SCD5: variants seen among roughly 807,000 people sequenced by gnomAD.
SCD5 encodes the protein acyl-CoA-desaturase 4.
Under a neutral mutation model 30.4 loss-of-function variants are expected in SCD5, and 20 were observed. The observed-to-expected ratio is 0.66, with a 90% CI of 0.46 to 0.96. SCD5 has a LOEUF of 0.96. SCD5 is among the 40% of genes least tolerant of loss of function. SCD5 has a pLI of 0.00. For missense variants in SCD5, 381 were observed against 443.3 expected (o/e 0.86, Z 1.26); for synonymous variants, 173 against 176.4 (o/e 0.98, Z 0.16).
chr4:82,786,394 A>G (rs1253035024), intron 1 of SCD5, among the ~76,000 whole-genome samples: 1 of 152,230 alleles, frequency 6.6e-6, no homozygotes, highest in Non-Finnish European at 1.5e-5. Context: ...CAATCTTGAT[A>G]GAATAGGTAG....
At chr4:82,669,844 T>A (rs1728270040) in intron 3 of SCD5, among the ~76,000 whole-genome samples, 1 of 152,202 alleles carries the variant, frequency 6.6e-6, no homozygotes, top group Admixed American at 6.5e-5. Flanking sequence ...GGGTTTTATT[T>A]AGAGCCTAAC....
At chr4:82,661,489 T>G (rs1728006709) in intron 3 of SCD5, among the ~76,000 whole-genome samples, 1 of 152,230 alleles carries the variant, frequency 6.6e-6, no homozygotes, top group Non-Finnish European at 1.5e-5. Context: ...GTATGAATCA[T>G]GCTCTTGATT....
chr4:82,687,808 T>C (rs1209836117), intron 2 of SCD5, among the ~76,000 whole-genome samples: 2 of 152,182 alleles, frequency 1.3e-5, no homozygotes, highest in East Asian at 1.9e-4. Context: ...AAAAGAGGTA[T>C]GAAGCAACCT....
chr4:82,727,729 C>T (rs551808943), intron 1 of SCD5, among the ~76,000 whole-genome samples: 1 of 152,246 alleles, frequency 6.6e-6, no homozygotes, highest in Admixed American at 6.5e-5. Flanking sequence ...TTTTTTGAGA[C>T]AGTGTCTCAC....
At chr4:82,740,825 C>G (rs12646755) in intron 1 of SCD5, among the ~76,000 whole-genome samples, 22,099 of 152,162 alleles carry the variant, frequency 0.15, 2,849 homozygotes, top group African/African-American at 0.35. Context: ...TACCCCAAAT[C>G]TGCTCAGAAA....
At chr4:82,732,704 G>C (rs1720669993) in intron 1 of SCD5, among the ~76,000 whole-genome samples, 1 of 152,210 alleles carries the variant, frequency 6.6e-6, no homozygotes, top group Non-Finnish European at 1.5e-5. Flanking sequence ...GTCAATGAGA[G>C]GTTCTGGGGA....
chr4:82,732,521 A>T (rs1560547090), intron 1 of SCD5, among the ~76,000 whole-genome samples: 1 of 152,198 alleles, frequency 6.6e-6, no homozygotes, highest in Non-Finnish European at 1.5e-5. Flanking sequence ...CCTCTCGTGG[A>T]AACAGGCCTA....
intron 1 of SCD5, among the ~76,000 whole-genome samples, chr4:82,707,638 G>A (rs1158394106): frequency 6.6e-6 from 1 of 152,248 alleles, no homozygotes; most frequent in African/African-American, 2.4e-5. Flanking sequence ...AAGCTGCCAT[G>A]TTGGGGAGGC....
chr4:82,745,270 A>G (rs1192971593), intron 1 of SCD5, among the ~76,000 whole-genome samples: 1 of 152,218 alleles, frequency 6.6e-6, no homozygotes, highest in Non-Finnish European at 1.5e-5. Context: ...ATCTAGCCTC[A>G]CAGCCTAAAC....
chr4:82,701,686 G>A (rs1719846161), intron 2 of SCD5, among the ~76,000 whole-genome samples: 2 of 152,122 alleles, frequency 1.3e-5, no homozygotes, highest in African/African-American at 4.8e-5. Flanking sequence ...TGTAGAATAT[G>A]AGAATTTAAG....
At chr4:82,773,378 T>C (rs1721671506) in intron 1 of SCD5, among the ~76,000 whole-genome samples, 1 of 152,176 alleles carries the variant, frequency 6.6e-6, no homozygotes, top group South Asian at 2.1e-4. Flanking sequence ...CTGCCTCTCT[T>C]TGTCTCCTAG....
At chr4:82,654,830 A>AT (rs1727835562) in intron 3 of SCD5, among the ~76,000 whole-genome samples, 1 of 152,250 alleles carries the variant, frequency 6.6e-6, no homozygotes, top group Admixed American at 6.5e-5. Flanking sequence ...ATAAAAATTC[A>AT]GCCATTCCTG....
At chr4:82,765,775 A>G (rs112509674) in intron 1 of SCD5, among the ~76,000 whole-genome samples, 2,070 of 152,104 alleles carry the variant, frequency 0.014, 24 homozygotes, top group Middle Eastern at 0.031. Flanking sequence ...CACCGCCATC[A>G]TACCTGGCTA....
chr4:82,633,656 C>T (rs375272539), intron 4 of SCD5, among the ~76,000 whole-genome samples: 20 of 152,314 alleles, frequency 1.3e-4, no homozygotes, highest in East Asian at 7.7e-4. Context: ...TATCTTTTAT[C>T]CTTCTGATAA....
chr4:82,730,322 G>A (rs1720606132), intron 1 of SCD5, among the ~76,000 whole-genome samples: 1 of 148,472 alleles, frequency 6.7e-6, no homozygotes, highest in Non-Finnish European at 1.5e-5. Context: ...TTTTGAGGCA[G>A]AGTCTCGCTC....
chr4:82,735,723 T>A (rs76513648), intron 1 of SCD5, among the ~76,000 whole-genome samples: 5,984 of 152,328 alleles, frequency 0.039, 170 homozygotes, highest in Non-Finnish European at 0.057. Context: ...CTTGTTTTTA[T>A]TACCGAAATG....
chr4:82,719,135 A>G (rs1720299783), intron 1 of SCD5, among the ~76,000 whole-genome samples: 1 of 151,746 alleles, frequency 6.6e-6, no homozygotes, highest in Non-Finnish European at 1.5e-5. Context: ...AAATTTTAAA[A>G]TCTCTTTTTC....
At chr4:82,793,942 G>C (rs2148855110) in intron 1 of SCD5, among the ~76,000 whole-genome samples, 1 of 152,262 alleles carries the variant, frequency 6.6e-6, no homozygotes, top group East Asian at 1.9e-4. Flanking sequence ...TGAGGGACTT[G>C]ATGGAAAAGA....
chr4:82,686,749 T>A (rs1728715111), intron 2 of SCD5, among the ~76,000 whole-genome samples: 1 of 152,190 alleles, frequency 6.6e-6, no homozygotes, highest in Non-Finnish European at 1.5e-5. Context: ...AGAAATACTT[T>A]TATGCTTGAT....
Sources: gnomAD v4.1 joint callset for allele counts (sites outside exome capture counted in the v4.1 genomes callset) on GRCh38, gnomAD v4.1.1 for gene constraint, MANE v1.5 for transcripts, NCBI Gene and HGNC (gene_info 2026-07-23, HGNC 2026-07-21) for gene names.